The following CACNA1D variants were observed in gnomAD, a reference collection of about 807,000 sequenced individuals.
CACNA1D encodes calcium voltage-gated channel subunit alpha1 D.
In CACNA1D, 55 loss-of-function variants were observed where a neutral mutation model predicts 257.1. The ratio of observed to expected loss-of-function variants is 0.21; its 90% CI spans 0.17 to 0.27. The LOEUF (loss-of-function observed/expected upper bound fraction) is 0.27. Ranked by LOEUF, CACNA1D falls within the 10% of genes least tolerant of loss-of-function variation. The pLI, the probability that CACNA1D is intolerant of heterozygous loss-of-function variation, is 1.00. For missense variants in CACNA1D, 1,876 were observed against 2,784.0 expected (o/e 0.67, Z 7.34); for synonymous variants, 980 against 1,014.9 (o/e 0.97, Z 0.65).
intron 3 of CACNA1D, among the ~76,000 whole-genome samples, chr3:53,617,248 T>A (rs2093647489): frequency 6.6e-6 from 1 of 152,080 alleles, no homozygotes; most frequent in Non-Finnish European, 1.5e-5. Flanking sequence ...TGCTCTCCTC[T>A]CCACTGTCTC....
intron 8 of CACNA1D, among the ~76,000 whole-genome samples, chr3:53,694,623 T>G (rs567879695): frequency 2.1e-4 from 32 of 152,286 alleles, no homozygotes; most frequent in Non-Finnish European, 3.8e-4. Context: ...TCCTGCCTCT[T>G]CCACTGAGGT....
At chr3:53,558,665 T>G (rs1002048587) in intron 3 of CACNA1D, among the ~76,000 whole-genome samples, 2 of 152,196 alleles carry the variant, frequency 1.3e-5, no homozygotes, top group Non-Finnish European at 2.9e-5. Flanking sequence ...CTCTTTTCTT[T>G]CAGCACTTTA....
intron 43 of CACNA1D, 132 bp from the exon 44 acceptor site, chr3:53,803,291 G>A: frequency 4.3e-6 from 4 of 929,628 alleles, no homozygotes; most frequent in Non-Finnish European, 7.0e-6. Context: ...GTCCAGTGCT[G>A]CCTGAGGCAG....
Position 53,801,222 on chromosome 3 carries a change from G to C in CACNA1D, c.5205G>C (p.Ser1735=). The C allele has an allele frequency of 6.2e-7, 1 of 1,613,956 alleles. No individual in the cohort carries two copies. Among genetic ancestry groups the C allele is most frequent in the Non-Finnish European group, 8.5e-7 (1 of 1,179,970 alleles). ...EKPLFPPAGN[S]VCHNHHNHNS... ...CGCTGTTTCCTCCAGCAGGAAATTCGGTGTGTCATAACCATCATAACCATA... is the reference window on the plus strand; with the variant it reads ...CGCTGTTTCCTCCAGCAGGAAATTCCGTGTGTCATAACCATCATAACCATA... Residue 1735 remains serine (S), a synonymous_variant, in exon 42 of 48, where the codon TCG becomes TCC. Coordinates refer to ENST00000350061, the MANE Select transcript of CACNA1D (RefSeq NM_001128840.3).
chr3:53,728,762 A>G (rs2094960343), intron 15 of CACNA1D, among the ~76,000 whole-genome samples: 1 of 152,148 alleles, frequency 6.6e-6, no homozygotes, highest in Non-Finnish European at 1.5e-5. Context: ...TTCCCCAACT[A>G]GAGTAGACAT....
chr3:53,799,913 A>G lies in CACNA1D; in HGVS notation c.4924-336A>G, dbSNP rs1198075170. 7.9e-6 allele frequency: 3 copies of G among 380,152 alleles called. No homozygotes were observed. The Admixed American group carries it at 1.1e-4, about 14-fold the overall frequency. 23.5% of individuals were successfully genotyped at this position (380,152 alleles called of 1,614,324 possible). ...AGATAGGGCTCTTGTAGGCGAGCCT[A>G]CTGAAGACTGTCACTGAGACAGGGG... On this transcript the variant is annotated intron_variant, in intron 40 of 47. Coordinates refer to ENST00000350061, the MANE Select transcript of CACNA1D (RefSeq NM_001128840.3).
intron 26 of CACNA1D, 73 bp downstream of exon 26, chr3:53,747,521 C>A: frequency 6.8e-7 from 1 of 1,470,234 alleles, no homozygotes; most frequent in South Asian, 1.1e-5. Context: ...CTCCTGGAGT[C>A]AGTCCCATTT....
chr3:53,622,210 C>T (rs2093704473), intron 3 of CACNA1D, among the ~76,000 whole-genome samples: 1 of 152,108 alleles, frequency 6.6e-6, no homozygotes, highest in South Asian at 2.1e-4. Flanking sequence ...GCCACCATGC[C>T]TAACTAATTT....
Position 53,793,181 on chromosome 3 carries a change from G to T in CACNA1D, c.4923+6229G>T, listed in dbSNP as rs1165473746. Among the ~76,000 whole-genome samples, 1 of 152,226 alleles carries T rather than the reference G, an allele frequency of 6.6e-6. No individual in the cohort carries two copies. The highest frequency in any genetic ancestry group is 1.5e-5 in the Non-Finnish European group (1 of 68,032). ...CCTGAGACTGCTCTGTGACCCAGCA[G>T]CTACAGGTCTAGTGCCTGGCATTGC... On this transcript the variant is annotated intron_variant, in intron 40 of 47. Transcript: ENST00000350061. The surrounding 1 kb of genome is among the most constrained non-coding windows in gnomAD (Gnocchi z 4.1).
At chr3:53,669,270 A>G (rs1188539879) in intron 7 of CACNA1D, among the ~76,000 whole-genome samples, 2 of 152,276 alleles carry the variant, frequency 1.3e-5, no homozygotes, top group Admixed American at 6.5e-5. Context: ...TGTGATACAC[A>G]GCAGAACATC....
At chr3:53,592,072 G>A (rs1418241544) in intron 3 of CACNA1D, among the ~76,000 whole-genome samples, 2 of 152,204 alleles carry the variant, frequency 1.3e-5, no homozygotes, top group African/African-American at 2.4e-5. Flanking sequence ...AGTGTGACAG[G>A]TGCTCATCTG....
intron 3 of CACNA1D, among the ~76,000 whole-genome samples, chr3:53,560,670 A>G (rs1458886894): frequency 6.6e-6 from 1 of 152,252 alleles, no homozygotes; most frequent in Admixed American, 6.5e-5. Context: ...ATACATAACT[A>G]GTAAAGATAG....
intron 3 of CACNA1D, among the ~76,000 whole-genome samples, chr3:53,554,407 T>C (rs1280071655): frequency 9.2e-5 from 14 of 152,216 alleles, no homozygotes; most frequent in Non-Finnish European, 2.1e-4. Context: ...CTACAAGTCA[T>C]GCTGTGTCTA....
intron 3 of CACNA1D, among the ~76,000 whole-genome samples, chr3:53,614,801 G>A (rs2093619778): frequency 6.6e-6 from 1 of 152,200 alleles, no homozygotes; most frequent in Non-Finnish European, 1.5e-5. Flanking sequence ...TTGGTTACAA[G>A]TGAAGAAGTT....
chr3:53,541,550 G>A (rs547222340), intron 3 of CACNA1D, among the ~76,000 whole-genome samples: 2 of 152,308 alleles, frequency 1.3e-5, no homozygotes, highest in Admixed American at 6.5e-5. Flanking sequence ...GACAGCTAAC[G>A]TGAGGGCTCT....
intron 9 of CACNA1D, 44 bp downstream of exon 9, chr3:53,702,854 G>A (rs770643990): frequency 3.1e-6 from 5 of 1,610,008 alleles, no homozygotes; most frequent in Non-Finnish European, 4.2e-6. Context: ...GACCCAGTGT[G>A]CGGTTCAGAC....
At chr3:53,595,975 A>T (rs1003786307) in intron 3 of CACNA1D, among the ~76,000 whole-genome samples, 8 of 152,154 alleles carry the variant, frequency 5.3e-5, no homozygotes, top group Admixed American at 4.6e-4. Context: ...GACCTTCTTG[A>T]TCTCCTGGGG....
At chr3:53,718,475 G>A in intron 10 of CACNA1D, 87 bp downstream of exon 10, 5 of 1,267,324 alleles carry the variant, frequency 3.9e-6, no homozygotes, top group Non-Finnish European at 5.7e-6. Flanking sequence ...CTGCAGCAGA[G>A]CCCCGGGCCA....
At chr3:53,549,593 A>C (rs1284685120) in intron 3 of CACNA1D, among the ~76,000 whole-genome samples, 1 of 152,250 alleles carries the variant, frequency 6.6e-6, no homozygotes, top group Non-Finnish European at 1.5e-5. Context: ...TCAGAGACAC[A>C]GTCTTTAGGT....
Sources: allele counts gnomAD v4.1 joint callset (sites outside exome capture counted in the v4.1 genomes callset), GRCh38; gene constraint gnomAD v4.1.1; non-coding constraint Gnocchi (gnomAD v3.1); transcripts MANE v1.5; gene names NCBI Gene and HGNC (gene_info 2026-07-23, HGNC 2026-07-21).